KCNB2: variants seen among roughly 807,000 people sequenced by gnomAD.
KCNB2 encodes delayed rectifier potassium channel protein.
Under a neutral mutation model 61.5 loss-of-function variants are expected in KCNB2, and 15 were observed. That is an observed-to-expected ratio of 0.24 (90% CI 0.16 to 0.38). KCNB2 has a LOEUF of 0.38. KCNB2 is among the 10% of genes least tolerant of loss of function. The pLI is 1.00. For synonymous variants in KCNB2, 457 were observed against 446.0 expected (o/e 1.02, Z -0.31); for missense variants, 828 against 1,125.2 (o/e 0.74, Z 3.78).
At chr8:72,931,057 C>A (rs1806771419) in intron 2 of KCNB2, among the ~76,000 whole-genome samples, 1 of 152,198 alleles carries the variant, frequency 6.6e-6, no homozygotes, top group African/African-American at 2.4e-5. Flanking sequence ...AATAGGGAAT[C>A]CTTTCCGCAT....
chr8:72,700,454 G>GA (rs774617091), intron 2 of KCNB2, among the ~76,000 whole-genome samples: 1 of 151,956 alleles, frequency 6.6e-6, no homozygotes, highest in East Asian at 1.9e-4. Context: ...ATAAACATAT[G>GA]AAAAAACGTT....
At chr8:72,869,760 G>A (rs974241631) in intron 2 of KCNB2, among the ~76,000 whole-genome samples, 4 of 152,154 alleles carry the variant, frequency 2.6e-5, no homozygotes, top group African/African-American at 9.7e-5. Context: ...AATGAGTATA[G>A]CCACTATAGA....
intron 2 of KCNB2, among the ~76,000 whole-genome samples, chr8:72,589,960 T>A (rs1483619288): frequency 6.6e-6 from 1 of 152,208 alleles, no homozygotes; most frequent in African/African-American, 2.4e-5. Flanking sequence ...TTTATCGCTT[T>A]TATATTATAG....
chr8:72,759,638 TA>T (rs1808345035), intron 2 of KCNB2, among the ~76,000 whole-genome samples: 1 of 152,112 alleles, frequency 6.6e-6, no homozygotes, highest in Non-Finnish European at 1.5e-5. Flanking sequence ...CCATTAAAAG[TA>T]ATAGAAATCA....
At chr8:72,651,955 C>G (rs1047572136) in intron 2 of KCNB2, among the ~76,000 whole-genome samples, 1 of 152,114 alleles carries the variant, frequency 6.6e-6, no homozygotes, top group Non-Finnish European at 1.5e-5. Flanking sequence ...GTAAATGATA[C>G]TACCTAGTGG....
chr8:72,711,301 G>T (rs1807321834), intron 2 of KCNB2, among the ~76,000 whole-genome samples: 1 of 152,174 alleles, frequency 6.6e-6, no homozygotes, highest in Non-Finnish European at 1.5e-5. Context: ...GTGCCCAGGT[G>T]GCAAATACTC....
chr8:72,623,274 C>A (rs193216312), intron 2 of KCNB2, among the ~76,000 whole-genome samples: 1 of 152,254 alleles, frequency 6.6e-6, no homozygotes, highest in East Asian at 1.9e-4. Flanking sequence ...ATGCCTGTCA[C>A]AATTTAGGGG....
chr8:72,589,398 C>T (rs1807051281), intron 2 of KCNB2, among the ~76,000 whole-genome samples: 1 of 152,108 alleles, frequency 6.6e-6, no homozygotes, highest in Non-Finnish European at 1.5e-5. Context: ...ATCTTTTCAG[C>T]ATATGCTCTC....
At chr8:72,826,134 A>G (rs552882990) in intron 2 of KCNB2, among the ~76,000 whole-genome samples, 1 of 152,222 alleles carries the variant, frequency 6.6e-6, no homozygotes, top group Non-Finnish European at 1.5e-5. Flanking sequence ...AGCATCATGG[A>G]TTTTCATTGG....
intron 2 of KCNB2, among the ~76,000 whole-genome samples, chr8:72,804,133 G>GCTTTTGA (rs1222381757): frequency 1.3e-5 from 2 of 152,136 alleles, no homozygotes; most frequent in Non-Finnish European, 2.9e-5. Context: ...TCAAAGGACT[G>GCTTTTGA]TTAAACAAAA....
At chr8:72,609,972 G>A (rs913236295) in intron 2 of KCNB2, among the ~76,000 whole-genome samples, 1 of 152,142 alleles carries the variant, frequency 6.6e-6, no homozygotes, top group Admixed American at 6.5e-5. Flanking sequence ...GGCTCTGGCT[G>A]TCTTCTTTCT....
At chr8:72,582,497 G>A (rs897238337) in intron 2 of KCNB2, among the ~76,000 whole-genome samples, 4 of 152,228 alleles carry the variant, frequency 2.6e-5, no homozygotes, top group Non-Finnish European at 5.9e-5. Context: ...AGCTATCCCA[G>A]TACTCAGGAG....
At position 72,653,487 on chromosome 8, in the gene KCNB2, C is replaced by T. The variant is rs1806243318; in HGVS notation, c.579+85174C>T. ...TTTGTGACACTTTGATATCACCTGC[C>T]GTATCATTGGGTATTATTTATTTTT... is the stretch of plus-strand genomic sequence containing the variant. On this transcript the variant is annotated intron_variant, in intron 2 of 2. Coordinates refer to ENST00000523207, the MANE Select transcript of KCNB2 (RefSeq NM_004770.3). 3.9e-5 allele frequency among the ~76,000 whole-genome samples: 6 copies of T among 152,054 alleles called. No individual in the cohort carries two copies. In the South Asian group the frequency reaches 8.3e-4, roughly 21 times the overall value.
intron 2 of KCNB2, among the ~76,000 whole-genome samples, chr8:72,704,282 G>A (rs994038949): frequency 3.3e-5 from 5 of 152,132 alleles, no homozygotes; most frequent in Admixed American, 6.5e-5. Context: ...ATTCTCTATA[G>A]AACATTTTAG....
At chr8:72,701,433 A>C (rs1275697071) in intron 2 of KCNB2, among the ~76,000 whole-genome samples, 1 of 152,178 alleles carries the variant, frequency 6.6e-6, no homozygotes, top group African/African-American at 2.4e-5. Context: ...TTATCTATTC[A>C]TAACACCATC....
intron 2 of KCNB2, among the ~76,000 whole-genome samples, chr8:72,598,686 G>A (rs543993395): frequency 6.6e-6 from 1 of 152,174 alleles, no homozygotes; most frequent in Non-Finnish European, 1.5e-5. Flanking sequence ...TGACATGATT[G>A]TATATCTAGA....
intron 2 of KCNB2, among the ~76,000 whole-genome samples, chr8:72,911,329 C>T (rs1806286826): frequency 6.6e-6 from 1 of 152,234 alleles, no homozygotes; most frequent in South Asian, 2.1e-4. Flanking sequence ...GGACATTTTA[C>T]ATGATCTGTG....
chr8:72,815,897 G>T (rs1222415814), intron 2 of KCNB2, among the ~76,000 whole-genome samples: 1 of 152,006 alleles, frequency 6.6e-6, no homozygotes, highest in African/African-American at 2.4e-5. Context: ...CTACATGAGG[G>T]TATGAAGAAA....
intron 2 of KCNB2, among the ~76,000 whole-genome samples, chr8:72,833,173 A>G (rs1027028546): frequency 2.0e-5 from 3 of 152,226 alleles, no homozygotes; most frequent in African/African-American, 7.2e-5. Context: ...AACTGTTTCT[A>G]TCTAGAAAAG....
Sources: gnomAD v4.1 joint callset for allele counts (sites outside exome capture counted in the v4.1 genomes callset) on GRCh38, gnomAD v4.1.1 for gene constraint, MANE v1.5 for transcripts, NCBI Gene and HGNC (gene_info 2026-07-23, HGNC 2026-07-21) for gene names.